The following CERS6 variants were observed in gnomAD, a reference collection of about 807,000 sequenced individuals.
The protein encoded by CERS6 is ceramide synthase 6, also known as LAG1 homolog, ceramide synthase 6.
In CERS6, 26 loss-of-function variants were observed where a neutral mutation model predicts 56.8. The observed-to-expected ratio is 0.46, with a 90% CI of 0.34 to 0.63. The LOEUF (loss-of-function observed/expected upper bound fraction) is 0.63, where lower values mean the gene tolerates loss of function less well. Among genes scored for constraint, CERS6 ranks in the 30% least tolerant of loss-of-function variants. CERS6 has a pLI of 0.01. For missense variants in CERS6, 415 were observed against 467.5 expected (o/e 0.89, Z 1.04); for synonymous variants, 164 against 173.3 (o/e 0.95, Z 0.42).
At chr2:168,611,906 C>A (rs184949512) in intron 3 of CERS6, among the ~76,000 whole-genome samples, 1 of 152,152 alleles carries the variant, frequency 6.6e-6, no homozygotes, top group Non-Finnish European at 1.5e-5. Context: ...TTCTTCAAAT[C>A]TAATAGGAGA....
At chr2:168,525,918 A>C (rs547350345) in intron 1 of CERS6, among the ~76,000 whole-genome samples, 2 of 152,318 alleles carry the variant, frequency 1.3e-5, no homozygotes, top group East Asian at 3.9e-4. Context: ...TTAAAAATTT[A>C]ATTGAGCTTT....
At chr2:168,558,125 C>T (rs1359608048) in intron 2 of CERS6, among the ~76,000 whole-genome samples, 1 of 152,174 alleles carries the variant, frequency 6.6e-6, no homozygotes, top group Non-Finnish European at 1.5e-5. Context: ...ATATCATAGT[C>T]TGTTGAAGAG....
chr2:168,558,880 A>G (rs937080528), intron 2 of CERS6, among the ~76,000 whole-genome samples: 1 of 152,206 alleles, frequency 6.6e-6, no homozygotes, highest in Non-Finnish European at 1.5e-5. Context: ...CACACAAAAA[A>G]GAAACTGATT....
chr2:168,671,499 C>T (rs1378519847), intron 4 of CERS6, among the ~76,000 whole-genome samples: 2 of 152,178 alleles, frequency 1.3e-5, no homozygotes, highest in African/African-American at 4.8e-5. Flanking sequence ...TTTAGACTAA[C>T]TGTAATTTTC....
intron 8 of CERS6, among the ~76,000 whole-genome samples, chr2:168,733,212 C>T (rs1384816568): frequency 1.3e-5 from 2 of 152,090 alleles, no homozygotes; most frequent in Non-Finnish European, 2.9e-5. Flanking sequence ...ACGTGAAAAC[C>T]CAACAGTTTC....
In CERS6 at chr2:168,456,335, A is replaced by T. The variant is rs765858565; in HGVS notation, c.-114A>T. ...GGAGGCGGCGGCGGCGGGCGGGAGCAGCGGCGGCGGCGGCACAGGCTCGGG... is the reference window on the plus strand; with the variant it reads ...GGAGGCGGCGGCGGCGGGCGGGAGCTGCGGCGGCGGCGGCACAGGCTCGGG... On this transcript the variant is annotated 5_prime_UTR_variant, in exon 1 of 10. Coordinates refer to ENST00000305747, the MANE Select transcript of CERS6 (RefSeq NM_203463.3). This position sits in a 1 kb window ranked among gnomAD's most constrained non-coding sequence, Gnocchi z 4.1. 5.0e-6 allele frequency: 3 copies of T among 594,686 alleles called. No individual in the cohort carries two copies. The African/African-American group carries it at 6.0e-5, about 12-fold the overall frequency. 36.8% of individuals were successfully genotyped at this position (594,686 alleles called of 1,614,324 possible).
chr2:168,709,559 G>A (rs573253550), intron 6 of CERS6, among the ~76,000 whole-genome samples: 1 of 152,110 alleles, frequency 6.6e-6, no homozygotes, highest in Non-Finnish European at 1.5e-5. Flanking sequence ...AATAGCAGGA[G>A]GTTGAGGACA....
In CERS6 at chr2:168,645,833, C is replaced by CTCCA. The variant is rs534308594; in HGVS notation, c.465+14792_465+14795dup. Among the ~76,000 whole-genome samples the CTCCA allele has an allele frequency of 3.8e-3, 575 of 152,204 alleles. 1 individual carries two copies. Among genetic ancestry groups the CTCCA allele is most frequent in the Admixed American group, 6.4e-3 (98 of 15,278 alleles). On this transcript the variant is annotated intron_variant, in intron 4 of 9. Transcript: ENST00000305747. ...GTGTTAGTTTGCTAAAGATAATGAT[C>CTCCA]TCCAGGTCCATCCATATTCCCACAA... is the stretch of plus-strand genomic sequence containing the variant.
At chr2:168,730,596 C>G (rs1040865267) in intron 8 of CERS6, among the ~76,000 whole-genome samples, 1 of 152,064 alleles carries the variant, frequency 6.6e-6, no homozygotes, top group Non-Finnish European at 1.5e-5. Flanking sequence ...CCCAGCCACC[C>G]TGTGGATTTC....
intron 4 of CERS6, among the ~76,000 whole-genome samples, chr2:168,657,438 G>T (rs905039093): frequency 6.6e-6 from 1 of 152,248 alleles, no homozygotes; most frequent in South Asian, 2.1e-4. Flanking sequence ...CCATGCGCTC[G>T]CATTCCTCAG....
intron 1 of CERS6, among the ~76,000 whole-genome samples, chr2:168,470,029 G>A (rs1197840699): frequency 1.3e-5 from 2 of 152,010 alleles, no homozygotes; most frequent in Non-Finnish European, 2.9e-5. Flanking sequence ...GATTGTCTCA[G>A]GAAATGCCAT....
intron 3 of CERS6, among the ~76,000 whole-genome samples, chr2:168,581,693 G>A (rs1400846890): frequency 1.3e-5 from 2 of 151,936 alleles, no homozygotes; most frequent in Non-Finnish European, 2.9e-5. Flanking sequence ...CTTTTTATGT[G>A]GTCTTTTATT....
chr2:168,498,092 G>A (rs898821369), intron 1 of CERS6, among the ~76,000 whole-genome samples: 3 of 152,080 alleles, frequency 2.0e-5, no homozygotes, highest in East Asian at 1.9e-4. Context: ...AATGTAAAAC[G>A]CTGTTATCAG....
At chr2:168,705,880 C>G (rs1686927783) in intron 6 of CERS6, among the ~76,000 whole-genome samples, 1 of 152,142 alleles carries the variant, frequency 6.6e-6, no homozygotes, top group African/African-American at 2.4e-5. Context: ...TCTGCTAACC[C>G]TTGCATCACT....
intron 4 of CERS6, among the ~76,000 whole-genome samples, chr2:168,640,300 C>G (rs919338306): frequency 1.3e-5 from 2 of 152,192 alleles, no homozygotes; most frequent in African/African-American, 4.8e-5. Context: ...ACAAAGCAGT[C>G]CCTGCATGTT....
intron 9 of CERS6, among the ~76,000 whole-genome samples, chr2:168,768,596 C>T (rs1185580382): frequency 6.6e-6 from 1 of 151,864 alleles, no homozygotes; most frequent in Non-Finnish European, 1.5e-5. Context: ...AGCTTCACCC[C>T]GCCCAGCAGG....
chr2:168,527,924 T>A (rs1437122858), intron 1 of CERS6, among the ~76,000 whole-genome samples: 1 of 152,112 alleles, frequency 6.6e-6, no homozygotes, highest in Non-Finnish European at 1.5e-5. Flanking sequence ...TTTTGCCATG[T>A]TGCCCAGCCT....
chr2:168,527,063 G>A (rs1207986606), intron 1 of CERS6, among the ~76,000 whole-genome samples: 1 of 152,144 alleles, frequency 6.6e-6, no homozygotes, highest in African/African-American at 2.4e-5. Context: ...CTCCTTTGCC[G>A]GCTTCTTCCC....
At chr2:168,697,317 G>A (rs1368654856) in intron 6 of CERS6, among the ~76,000 whole-genome samples, 2 of 152,176 alleles carry the variant, frequency 1.3e-5, no homozygotes, top group Non-Finnish European at 2.9e-5. Context: ...AACACTCCGA[G>A]TTGGTTTCTG....
Sources: gnomAD v4.1 joint callset for allele counts (sites outside exome capture counted in the v4.1 genomes callset) on GRCh38, gnomAD v4.1.1 for gene constraint, Gnocchi (gnomAD v3.1) non-coding constraint, MANE v1.5 for transcripts, NCBI Gene and HGNC (gene_info 2026-07-23, HGNC 2026-07-21) for gene names.